Variants in ANO8 observed in about 807,000 individuals in gnomAD.
ANO8 encodes the protein anoctamin 8, also known as anoctamin-8.
In ANO8, 67 loss-of-function variants were observed where a neutral mutation model predicts 120.4. That is an observed-to-expected ratio of 0.56 (90% CI 0.46 to 0.68). The LOEUF is 0.68. Ranked by LOEUF, ANO8 falls within the 30% of genes least tolerant of loss-of-function variation. The pLI, the probability that ANO8 is intolerant of heterozygous loss-of-function variation, is 0.00. For missense variants in ANO8, 1,526 were observed against 1,737.6 expected (o/e 0.88, Z 2.16); for synonymous variants, 727 against 759.2 (o/e 0.96, Z 0.70).
At position 17,327,428 on chromosome 19, in the gene ANO8, C is replaced by G. The variant is rs1445667647; in HGVS notation, c.2550+10G>C. The G allele has an allele frequency of 1.3e-6, 2 of 1,598,686 alleles. No homozygotes were observed. The highest frequency in any genetic ancestry group is 8.5e-7 in the Non-Finnish European group (1 of 1,172,674). On this transcript the variant is annotated intron_variant, in intron 15 of 17. Transcript: ENST00000159087. Reference sequence around the variant, plus strand: ...CTCCCAGCTGCCCCCGCCCCTGTCGCCGGCCCCACCTCGAGCACTACCACC... The same window carrying G: ...CTCCCAGCTGCCCCCGCCCCTGTCGGCGGCCCCACCTCGAGCACTACCACC...
In ANO8 at chr19:17,328,148, C is replaced by CCCCCCCAGCGGG; in HGVS notation, c.2226+13_2226+14insCCCGCTGGGGGG. 6.5e-7 allele frequency: 1 copy of CCCCCCCAGCGGG among 1,540,536 alleles called. No individual in the cohort carries two copies. Among genetic ancestry groups the CCCCCCCAGCGGG allele is most frequent in the Non-Finnish European group, 8.8e-7 (1 of 1,141,928 alleles). On this transcript the variant is annotated intron_variant, in intron 13 of 17. Coordinates refer to ENST00000159087, the MANE Select transcript of ANO8 (RefSeq NM_020959.3). ...CGAGGCCCCGCCCCCTGCGAGGCCCCGCCCCCTCCTCACCTCGTACTTCTT... is the reference window on the plus strand; with the variant it reads ...CGAGGCCCCGCCCCCTGCGAGGCCCCCCCCCCAGCGGGGCCCCCTCCTCACCTCGTACTTCTT...
rs142040478 is a variant in ANO8 at position 17,333,281 on chromosome 19, G to A, written c.351-42C>T. The A allele has an allele frequency of 3.1e-4, 499 of 1,602,440 alleles. 1 individual carries two copies. The African/African-American group carries it at 6.0e-3, about 19-fold the overall frequency. On this transcript the variant is annotated intron_variant, in intron 3 of 17. Coordinates refer to ENST00000159087, the MANE Select transcript of ANO8 (RefSeq NM_020959.3). This position sits in a 1 kb window ranked among gnomAD's most constrained non-coding sequence, Gnocchi z 7.2. The stretch of plus-strand genomic sequence containing the variant: ...GGAGGTGGGCTCACAGGGAGGCCCC[G>A]GCCCACCATCCTGGAGCTGAGGATG...
At position 17,324,948 on chromosome 19, in the gene ANO8, C is replaced by T. The variant is rs1026088672; in HGVS notation, c.3100G>A (p.Glu1034Lys). 2.5e-6 allele frequency: 4 copies of T among 1,613,050 alleles called. No individual in the cohort carries two copies. The highest frequency in any genetic ancestry group is 1.7e-5 in the Admixed American group (1 of 60,006). The change falls in exon 17 of 18, where the codon GAG (glutamate) becomes AAG (lysine). Residue 1034 changes from glutamate to lysine, a missense_variant. Transcript: ENST00000159087. ...FLSFKFLKSP[E>K]TRRDSERSHS... Reference sequence around the variant, plus strand: ...CTGCGCTCAGAGTCCCGCCGGGTCTCGGGTGACTTGAGGAACTTGAAGCTG... The same window carrying T: ...CTGCGCTCAGAGTCCCGCCGGGTCTTGGGTGACTTGAGGAACTTGAAGCTG...
rs770580644 is a variant in ANO8, at chr19:17,324,685, G to A, written c.3331+32C>T. 1.4e-5 allele frequency: 21 copies of A among 1,471,408 alleles called. No individual in the cohort carries two copies. In the East Asian group the frequency reaches 2.2e-4, roughly 15 times the overall value. 91.1% of individuals were successfully genotyped at this position (1,471,408 alleles called of 1,614,324 possible). A position where few individuals can be genotyped will look rare whatever the true frequency, so the allele number is the denominator to read the frequency against. ...CCTACCCTATCCCCAAAGCCGGCCC[G>A]GCGTCCCCACCCCCGAGTTAAAGCT... On this transcript the variant is annotated intron_variant, in intron 17 of 17. Transcript: ENST00000159087.
In ANO8 at chr19:17,328,679, C is replaced by T; in HGVS notation, c.1709G>A (p.Gly570Asp). ...ALVERRRAGE[G>D]GEEGDGPPGG... ...TGGAGGCCCGTCCCCCTCCTCCCCG[C>T]CTTCCCCCGCCCGCCGCCGCTCCAC... Residue 570 changes from glycine to aspartate, a missense_variant, in exon 13 of 18, where the codon GGC (glycine) becomes GAC (aspartate). Around this residue, in one of 8 missense-constraint regions of ANO8, gnomAD observed 467 missense variants for 425.8 expected, o/e 1.10. Transcript: ENST00000159087. The T allele has an allele frequency of 7.1e-7, 1 of 1,403,736 alleles. No homozygotes were observed. The highest frequency in any genetic ancestry group is 9.4e-7 in the Non-Finnish European group (1 of 1,067,714). 87.0% of individuals were successfully genotyped at this position (1,403,736 alleles called of 1,614,324 possible).
rs58263758 is a variant in ANO8 at position 17,323,311 on chromosome 19, CTGTGTGTGTGTGTGTG to C, written c.*190_*205del. 2.4e-5 allele frequency: 8 copies of C among 327,572 alleles called. No individual in the cohort carries two copies. The highest frequency in any genetic ancestry group is 1.8e-4 in the East Asian group (4 of 22,844). The allele number at this position is 327,572 out of a possible 1,614,324, so 20.3% of individuals were successfully genotyped here. A position where few individuals can be genotyped will look rare whatever the true frequency, so the allele number is the denominator to read the frequency against. ...AAAAACAAATAAATAATCGCCTGTTCTGTGTGTGTGTGTGTGTGTGTGTGTGTGTGTGTTTTCTGTT... is the reference window on the plus strand; with the variant it reads ...AAAAACAAATAAATAATCGCCTGTTCTGTGTGTGTGTGTGTGTTTTCTGTT... On this transcript the variant is annotated 3_prime_UTR_variant, in exon 18 of 18. Transcript: ENST00000159087.
Position 17,334,812 on chromosome 19 carries a change from C to T in ANO8, c.-142G>A. On this transcript the variant is annotated 5_prime_UTR_variant, in exon 1 of 18. Transcript: ENST00000159087. ...CCGCGCCGGCCTCGGTCCTCGCTCG[C>T]CCGAGCGCTGCTTCTCGTCCCCGCC... 1 of 1,223,450 alleles carries T rather than the reference C, an allele frequency of 8.2e-7. No individual in the cohort carries two copies. The highest frequency in any genetic ancestry group is 1.6e-5 in the South Asian group (1 of 61,150). 75.8% of individuals were successfully genotyped at this position (1,223,450 alleles called of 1,614,324 possible). A position where few individuals can be genotyped will look rare whatever the true frequency, so the allele number is the denominator to read the frequency against.
At chr19:17,327,652 T>G (rs2074281658) in intron 14 of ANO8, 37 bp downstream of exon 14, 1 of 1,608,980 alleles carries the variant, frequency 6.2e-7, no homozygotes, top group African/African-American at 1.3e-5. Flanking sequence ...CTGGGCTCCC[T>G]CTGGGCCTCA....
At chr19:17,329,424 C>A (rs1263090086) in intron 12 of ANO8, 1 of 402,924 alleles carries the variant, frequency 2.5e-6, no homozygotes. Context: ...GCCCGGGCCG[C>A]GAGCAGGAGG....
intron 12 of ANO8, chr19:17,329,189 C>T (rs1002978673): frequency 2.0e-6 from 1 of 488,862 alleles, no homozygotes; most frequent in South Asian, 3.0e-5. Flanking sequence ...GCGCAGCGCT[C>T]CTCGCCCACC....
rs1418517634 is a variant in ANO8, at chr19:17,328,557, C to G, written c.1831G>C (p.Gly611Arg). ...EGEEGGLLDCGLRLKKVSFAE... is the reference protein window; with the variant it reads ...EGEEGGLLDCRLRLKKVSFAE... ...AAGCTGACCTTCTTCAGCCGGAGCC[C>G]GCAGTCCAGGAGGCCCCCTTCCTCG... The change falls in exon 13 of 18, where the codon GGG becomes CGG. Residue 611 changes from glycine to arginine, a missense_variant. By Grantham distance (125) the Gly-to-Arg change is moderately radical (BLOSUM62 -2). This residue lies in a region of ANO8 where 467 missense variants were observed against 425.8 expected (regional missense o/e 1.10). Transcript: ENST00000159087. The G allele has an allele frequency of 3.9e-6, 6 of 1,548,478 alleles. No homozygotes were observed. The East Asian group carries it at 1.5e-4, about 38-fold the overall frequency.
In ANO8 at chr19:17,331,112, C is replaced by T. The variant is rs1470630262; in HGVS notation, c.807G>A (p.Leu269=). 1 of 1,614,202 alleles carries T rather than the reference C, an allele frequency of 6.2e-7. No individual in the cohort carries two copies. Among genetic ancestry groups the T allele is most frequent in the Non-Finnish European group, 8.5e-7 (1 of 1,180,030 alleles). The part of the protein sequence containing the change: ...MVYPAVFGSV[L]YTFTEADQTS... ...CCTGATCAGCCTCTGTGAATGTGTACAGGACAGACCCGAAGACAGCTGGGT... is the reference window on the plus strand; with the variant it reads ...CCTGATCAGCCTCTGTGAATGTGTATAGGACAGACCCGAAGACAGCTGGGT... The change falls in exon 7 of 18, where the codon CTG becomes CTA. Residue 269 remains leucine, a synonymous_variant. Coordinates refer to ENST00000159087, the MANE Select transcript of ANO8 (RefSeq NM_020959.3).
rs764725588 is a variant in ANO8, at chr19:17,332,841, G to A, written c.586+89C>T. ...TGCCAACCCCTGACTGGTTGGATCT[G>A]GGCCCCGCCCTCCTGCTCCTATAAG... On this transcript the variant is annotated intron_variant, in intron 5 of 17. Coordinates refer to ENST00000159087, the MANE Select transcript of ANO8 (RefSeq NM_020959.3). 493 of 1,471,050 alleles carry A rather than the reference G, an allele frequency of 3.4e-4. No homozygotes were observed. In the Middle Eastern group the frequency reaches 0.01, roughly 31 times the overall value. The allele number at this position is 1,471,050 out of a possible 1,614,324, so 91.1% of individuals were successfully genotyped here.
chr19:17,326,513 AAAAAAC>A (rs530068069), intron 16 of ANO8, among the ~76,000 whole-genome samples: 89 of 152,282 alleles, frequency 5.8e-4, no homozygotes, highest in Non-Finnish European at 9.4e-4. Flanking sequence ...TGTCTCAAAG[AAAAAAC>A]AAAAACAAAA....
chr19:17,334,622 G>A lies in ANO8; in HGVS notation c.49C>T (p.Arg17Cys). The change falls in exon 1 of 18, where the codon CGT becomes TGT. Residue 17 changes from arginine to cysteine, a missense_variant. Physicochemically the swap from Arg to Cys is radical, Grantham distance 180 (BLOSUM62 -3). This residue lies in a region of ANO8 where 53 missense variants were observed against 45.0 expected (regional missense o/e 1.18). Coordinates refer to ENST00000159087, the MANE Select transcript of ANO8 (RefSeq NM_020959.3). ...CCCTCCGGCGGGGGCCTCTTGCCAC[G>A]CTCGCCCTCCAGGGACGTGCCCCCG... ...GAGGTSLEGE[R>C]GKRPPPEGEP... 2.6e-6 allele frequency: 4 copies of A among 1,523,632 alleles called. No homozygotes were observed. The highest frequency in any genetic ancestry group is 1.2e-5 in the South Asian group (1 of 83,188). 94.4% of individuals were successfully genotyped at this position (1,523,632 alleles called of 1,614,324 possible).
Position 17,325,364 on chromosome 19 carries a change from T to C in ANO8, c.2684A>G (p.His895Arg). 1 of 1,593,574 alleles carries C rather than the reference T, an allele frequency of 6.3e-7. No individual in the cohort carries two copies. Among genetic ancestry groups the C allele is most frequent in the South Asian group, 1.1e-5 (1 of 90,028 alleles). ...AFKRHERQAQ[H>R]RYQQQQRRRR... ...CCTGCGCTGCTGCTGCTGGTAGCGATGCTGGGCCTGGCGCTCGTGTCTCTG... is the reference window on the plus strand; with the variant it reads ...CCTGCGCTGCTGCTGCTGGTAGCGACGCTGGGCCTGGCGCTCGTGTCTCTG... Residue 895 changes from histidine (H) to arginine (R), a missense_variant, in exon 17 of 18, where the codon CAT becomes CGT. Transcript: ENST00000159087.
rs959204461 is a variant in ANO8, at chr19:17,328,853, A to T, written c.1535T>A (p.Leu512Gln). 7 of 1,483,908 alleles carry T rather than the reference A, an allele frequency of 4.7e-6. No individual in the cohort carries two copies. Among genetic ancestry groups the T allele is most frequent in the East Asian group, 2.9e-5 (1 of 34,326 alleles). The allele number at this position is 1,483,908 out of a possible 1,614,324, so 91.9% of individuals were successfully genotyped here. A position where few individuals can be genotyped will look rare whatever the true frequency, so the allele number is the denominator to read the frequency against. The change falls in exon 13 of 18, where the codon CTG (leucine) becomes CAG (glutamine). Residue 512 changes from leucine to glutamine, a missense_variant. This residue lies in a region of ANO8 where 467 missense variants were observed against 425.8 expected (regional missense o/e 1.10). Transcript: ENST00000159087. ...GCGCCGGAGGCTCAGGAGGCCAAGC[A>T]GGGCTCGGGCCAGCTCCCAGACGGC... ...LRAVWELARALLGLLSLRRPA... is the reference protein window; with the variant it reads ...LRAVWELARAQLGLLSLRRPA...
At position 17,333,606 on chromosome 19, in the gene ANO8, C is replaced by T. The variant is rs747160055; in HGVS notation, c.218-52G>A. 6.4e-7 allele frequency: 1 copy of T among 1,560,860 alleles called. No homozygotes were observed. The highest frequency in any genetic ancestry group is 1.1e-5 in the South Asian group (1 of 90,380). On this transcript the variant is annotated intron_variant, in intron 2 of 17. Coordinates refer to ENST00000159087, the MANE Select transcript of ANO8 (RefSeq NM_020959.3). This position sits in a 1 kb window ranked among gnomAD's most constrained non-coding sequence, Gnocchi z 7.2. ...CTCCTGCCACGAGGGGGCCCAAGGCCTCCTACGTATTCCCGTTCTGGGAAG... is the reference window on the plus strand; with the variant it reads ...CTCCTGCCACGAGGGGGCCCAAGGCTTCCTACGTATTCCCGTTCTGGGAAG...
At chr19:17,329,118 T>C in intron 12 of ANO8, 135 bp from the exon 13 acceptor site, 5 of 662,172 alleles carry the variant, frequency 7.6e-6, no homozygotes, top group Non-Finnish European at 1.2e-5. Flanking sequence ...CTAACTCCGC[T>C]GCTTTGGACG....
Sources: allele counts gnomAD v4.1 joint callset (sites outside exome capture counted in the v4.1 genomes callset), GRCh38; gene constraint gnomAD v4.1.1; regional missense constraint gnomAD v4.1.1; non-coding constraint Gnocchi (gnomAD v3.1); transcripts MANE v1.5; gene names NCBI Gene and HGNC (gene_info 2026-07-23, HGNC 2026-07-21).